ECPAS: variants seen among roughly 807,000 people sequenced by gnomAD.
The protein encoded by ECPAS is Ecm29 proteasome adaptor and scaffold.
In ECPAS, 70 loss-of-function variants were observed where a neutral mutation model predicts 255.1. The ratio of observed to expected loss-of-function variants is 0.27; its 90% CI spans 0.23 to 0.33. ECPAS has a LOEUF of 0.33. Among genes scored for constraint, ECPAS ranks in the 10% least tolerant of loss-of-function variants. The pLI, the probability that ECPAS is intolerant of heterozygous loss-of-function variation, is 1.00. For missense variants in ECPAS, 1,817 were observed against 2,206.4 expected, an observed-to-expected ratio of 0.82 and a Z score of 3.54; for synonymous variants, 784 against 775.0, an observed-to-expected ratio of 1.01 and a Z score of -0.19.
rs2098129403 is a variant in ECPAS, at chr9:111,373,152, A to C, written c.4336+18T>G. The C allele has an allele frequency of 1.2e-6, 2 of 1,602,856 alleles. No individual in the cohort carries two copies. The highest frequency in any genetic ancestry group is 1.7e-6 in the Non-Finnish European group (2 of 1,169,950). ...ACATCTAAATTTAAAATGACATAAA[A>C]TAGAAAAAGAAAGGTACCTTCTTTC... On this transcript the variant is annotated intron_variant, in intron 41 of 49. Transcript: ENST00000684092.
rs928432696 is a variant in ECPAS, at chr9:111,403,953, T to C, written c.2652+4618A>G. 2.0e-5 allele frequency among the ~76,000 whole-genome samples: 3 copies of C among 149,706 alleles called. No homozygotes were observed. The East Asian group carries it at 6.0e-4, about 30-fold the overall frequency. On this transcript the variant is annotated intron_variant, in intron 24 of 49. Coordinates refer to ENST00000684092, the MANE Select transcript of ECPAS (RefSeq NM_001364929.1). ...AATAAAACTAGAAATCAGTAATAAGTAGAACTTTGGAAACTACAGAAATAC... is the reference window on the plus strand; with the variant it reads ...AATAAAACTAGAAATCAGTAATAAGCAGAACTTTGGAAACTACAGAAATAC...
intron 24 of ECPAS, among the ~76,000 whole-genome samples, chr9:111,405,318 A>T (rs1022047005): frequency 8.7e-5 from 13 of 149,840 alleles, no homozygotes; most frequent in African/African-American, 3.0e-4. Flanking sequence ...TGAGGAAGGA[A>T]CAGTCTCTTC....
intron 37 of ECPAS, among the ~76,000 whole-genome samples, chr9:111,375,922 A>G (rs974634272): frequency 3.3e-5 from 5 of 152,164 alleles, no homozygotes; most frequent in African/African-American, 1.2e-4. Flanking sequence ...TCCAGTAAAC[A>G]CAATCATAGC....
At chr9:111,456,389 T>C (rs1225335676) in intron 2 of ECPAS, among the ~76,000 whole-genome samples, 9 of 152,192 alleles carry the variant, frequency 5.9e-5, no homozygotes, top group Non-Finnish European at 1.3e-4. Context: ...AGAATAAGAA[T>C]GGAGTCTTCT....
intron 2 of ECPAS, among the ~76,000 whole-genome samples, chr9:111,472,108 T>C (rs2098289093): frequency 6.7e-6 from 1 of 149,874 alleles, no homozygotes; most frequent in South Asian, 2.1e-4. Flanking sequence ...TGTCAAAAAA[T>C]AAAAATAAAA....
At chr9:111,483,558 G>T in intron 1 of ECPAS, 1 of 938,542 alleles carries the variant, frequency 1.1e-6, no homozygotes, top group East Asian at 1.2e-4. Flanking sequence ...CGCCGGGGAG[G>T]GAACGAGGGA....
At chr9:111,415,897 T>C (rs2098202790) in intron 18 of ECPAS, among the ~76,000 whole-genome samples, 1 of 152,098 alleles carries the variant, frequency 6.6e-6, no homozygotes, top group African/African-American at 2.4e-5. Flanking sequence ...AAAAACAGAA[T>C]TTCCCTTAAT....
Position 111,484,122 on chromosome 9 carries a change from C to A in ECPAS, c.-89G>T. The A allele has an allele frequency of 2.1e-6, 3 of 1,448,530 alleles. No individual in the cohort carries two copies. The South Asian group carries it at 3.9e-5, about 19-fold the overall frequency. 89.7% of individuals were successfully genotyped at this position (1,448,530 alleles called of 1,614,324 possible). A position where few individuals can be genotyped will look rare whatever the true frequency, so the allele number is the denominator to read the frequency against. ...CCGGGGGCGGGCCTCTGACCTGAGTCGGAGCCGGTCTCCATGCCGCGGACG... is the reference window on the plus strand; with the variant it reads ...CCGGGGGCGGGCCTCTGACCTGAGTAGGAGCCGGTCTCCATGCCGCGGACG... On this transcript the variant is annotated 5_prime_UTR_variant, in exon 1 of 50. Coordinates refer to ENST00000684092, the MANE Select transcript of ECPAS (RefSeq NM_001364929.1).
chr9:111,394,031 T>G (rs1422241458), intron 26 of ECPAS, 129 bp downstream of exon 26: 1 of 945,788 alleles, frequency 1.1e-6, no homozygotes, highest in East Asian at 2.8e-5. Context: ...CCACCATCCT[T>G]CATTCCTTCA....
At chr9:111,424,116 T>C (rs1236840944) in intron 12 of ECPAS, among the ~76,000 whole-genome samples, 3 of 152,140 alleles carry the variant, frequency 2.0e-5, no homozygotes, top group Non-Finnish European at 4.4e-5. Flanking sequence ...TGCCATAAAA[T>C]AATCTGAGTG....
At chr9:111,384,072 G>A (rs1356019004) in intron 34 of ECPAS, among the ~76,000 whole-genome samples, 3 of 152,066 alleles carry the variant, frequency 2.0e-5, no homozygotes, top group African/African-American at 7.2e-5. Context: ...TTAAAACCTG[G>A]TTTTACTATT....
intron 12 of ECPAS, among the ~76,000 whole-genome samples, chr9:111,424,861 G>GA (rs1048576178): frequency 1.3e-4 from 20 of 152,260 alleles, no homozygotes; most frequent in African/African-American, 4.8e-4. Flanking sequence ...GGTGCTGGCT[G>GA]AAAAAATGCT....
intron 2 of ECPAS, among the ~76,000 whole-genome samples, chr9:111,457,209 G>T (rs1039872065): frequency 6.6e-6 from 1 of 152,170 alleles, no homozygotes; most frequent in South Asian, 2.1e-4. Flanking sequence ...CAGGGTAGAG[G>T]AATCAGTGGA....
Position 111,391,783 on chromosome 9 carries a change from C to A in ECPAS, c.3134G>T (p.Gly1045Val). The change falls in exon 29 of 50, where the codon GGG becomes GTG. Residue 1045 changes from glycine to valine, a missense_variant. This residue lies in a region of ECPAS where 960 missense variants were observed against 1,179.0 expected (regional missense o/e 0.81). Coordinates refer to ENST00000684092, the MANE Select transcript of ECPAS (RefSeq NM_001364929.1). ...ATCTGGTGTTTTGCCAAGAGCTCCC[C>A]CTTGAAATACCACTGTCTCTCCAGA... ...EVSGETVVFQ[G>V]GALGKTPDGQ... 2 of 1,609,414 alleles carry A rather than the reference C, an allele frequency of 1.2e-6. No individual in the cohort carries two copies. Among genetic ancestry groups the A allele is most frequent in the East Asian group, 2.2e-5 (1 of 44,798 alleles).
In ECPAS at chr9:111,371,891, C is replaced by T. The variant is rs1205914252; in HGVS notation, c.4529-62G>A. On this transcript the variant is annotated intron_variant, in intron 42 of 49. Transcript: ENST00000684092. Reference sequence around the variant, plus strand: ...AGAAAAATTAACTGATTTTTCTAAACCTGAAAAAAAGTCAGTGACCAACAG... The same window carrying T: ...AGAAAAATTAACTGATTTTTCTAAATCTGAAAAAAAGTCAGTGACCAACAG... 7.7e-6 allele frequency: 11 copies of T among 1,420,080 alleles called. No individual in the cohort carries two copies. The Admixed American group carries it at 1.9e-4, about 24-fold the overall frequency. 88.0% of individuals were successfully genotyped at this position (1,420,080 alleles called of 1,614,324 possible). A position where few individuals can be genotyped will look rare whatever the true frequency, so the allele number is the denominator to read the frequency against.
chr9:111,422,812 G>C (rs1475861701), intron 13 of ECPAS, among the ~76,000 whole-genome samples: 1 of 152,132 alleles, frequency 6.6e-6, no homozygotes, highest in East Asian at 1.9e-4. Flanking sequence ...GGGCCACTCA[G>C]AATCATAAAC....
At chr9:111,462,067 A>C (rs190335707) in intron 2 of ECPAS, among the ~76,000 whole-genome samples, 41 of 152,342 alleles carry the variant, frequency 2.7e-4, no homozygotes, top group African/African-American at 9.6e-4. Flanking sequence ...CACAGAGCCA[A>C]ACCATATCAT....
chr9:111,419,375 T>G (rs900571904), intron 16 of ECPAS, among the ~76,000 whole-genome samples: 1 of 152,172 alleles, frequency 6.6e-6, no homozygotes, highest in African/African-American at 2.4e-5. Context: ...GCATGGATTT[T>G]AAGATGGCAT....
intron 48 of ECPAS, among the ~76,000 whole-genome samples, chr9:111,364,739 A>G: frequency 6.6e-6 from 1 of 152,264 alleles, no homozygotes; most frequent in East Asian, 1.9e-4. Flanking sequence ...TAGTACCTTG[A>G]CCAGGTAATC....
Sources: allele counts gnomAD v4.1 joint callset (sites outside exome capture counted in the v4.1 genomes callset), GRCh38; gene constraint gnomAD v4.1.1; regional missense constraint gnomAD v4.1.1; transcripts MANE v1.5; gene names NCBI Gene and HGNC (gene_info 2026-07-23, HGNC 2026-07-21).